Variants in COMMD10 observed in about 807,000 individuals in gnomAD.
COMMD10 encodes COMM domain-containing protein 10.
Under a neutral mutation model 28.9 loss-of-function variants are expected in COMMD10, and 33 were observed. That is an observed-to-expected ratio of 1.14 (90% CI 0.87 to 1.53). The LOEUF (loss-of-function observed/expected upper bound fraction) is 1.53. Among genes scored for constraint, COMMD10 ranks in the 40% most tolerant of loss-of-function variants. The pLI is 0.00. For missense variants in COMMD10, 310 were observed against 233.4 expected (o/e 1.33, Z -2.14); for synonymous variants, 110 against 81.7 (o/e 1.35, Z -1.87).
At chr5:116,113,774 G>C (rs975801301) in intron 4 of COMMD10, among the ~76,000 whole-genome samples, 2 of 151,864 alleles carry the variant, frequency 1.3e-5, no homozygotes, top group African/African-American at 4.8e-5. Context: ...GAATTCTTTG[G>C]GGTTGTAAGG....
At chr5:116,181,509 G>A (rs1461394398) in intron 5 of COMMD10, among the ~76,000 whole-genome samples, 3 of 150,792 alleles carry the variant, frequency 2.0e-5, no homozygotes, top group African/African-American at 7.3e-5. Flanking sequence ...TGAGTTTTGA[G>A]TCATAGATTT....
chr5:116,204,416 G>A (rs1748758562), intron 5 of COMMD10, among the ~76,000 whole-genome samples: 1 of 151,950 alleles, frequency 6.6e-6, no homozygotes, highest in African/African-American at 2.4e-5. Flanking sequence ...TCATTTAGAT[G>A]TTTTCTCCAT....
chr5:116,250,968 G>A (rs1750095806), intron 5 of COMMD10, among the ~76,000 whole-genome samples: 1 of 151,676 alleles, frequency 6.6e-6, no homozygotes, highest in Non-Finnish European at 1.5e-5. Context: ...CATTATTCTG[G>A]CTTGGGTTGG....
At chr5:116,136,698 AT>A (rs1393864126) in intron 5 of COMMD10, among the ~76,000 whole-genome samples, 1 of 152,188 alleles carries the variant, frequency 6.6e-6, no homozygotes, top group East Asian at 1.9e-4. Context: ...AATCTAACTC[AT>A]TTGAAATATG....
intron 5 of COMMD10, among the ~76,000 whole-genome samples, chr5:116,182,464 A>G (rs988270829): frequency 6.6e-6 from 1 of 152,070 alleles, no homozygotes; most frequent in East Asian, 1.9e-4. Context: ...GCAAAAAAAA[A>G]GTCAGTTGAG....
intron 5 of COMMD10, among the ~76,000 whole-genome samples, chr5:116,149,317 C>CGT (rs1348866757): frequency 3.1e-4 from 45 of 144,082 alleles, no homozygotes; most frequent in African/African-American, 1.0e-3. Context: ...AATAAACATA[C>CGT]GTGTGTGTGT....
chr5:116,118,149 G>T (rs1257965306), intron 4 of COMMD10, among the ~76,000 whole-genome samples: 1 of 152,116 alleles, frequency 6.6e-6, no homozygotes, highest in Non-Finnish European at 1.5e-5. Context: ...GGGCTGGCTT[G>T]GTTCCTTTTT....
At position 116,085,052 on chromosome 5, in the gene COMMD10, G is replaced by C; in HGVS notation, c.-1G>C. 5 of 1,608,820 alleles carry C rather than the reference G, an allele frequency of 3.1e-6. No homozygotes were observed. The highest frequency in any genetic ancestry group is 4.2e-6 in the Non-Finnish European group (5 of 1,178,726). ...ACGGCGGCAGTGCGAGAAAGCCGAA[G>C]ATGGCGGTCCCCGCGGCGCTGATCC... On this transcript the variant is annotated 5_prime_UTR_variant, in exon 1 of 7. Transcript: ENST00000274458.
chr5:116,263,587 T>C (rs1750506696), intron 5 of COMMD10, among the ~76,000 whole-genome samples: 1 of 151,700 alleles, frequency 6.6e-6, no homozygotes, highest in Non-Finnish European at 1.5e-5. Context: ...GCCTGCTCTC[T>C]CTCTGAAGTC....
intron 5 of COMMD10, among the ~76,000 whole-genome samples, chr5:116,213,731 A>T (rs1216760417): frequency 6.6e-6 from 1 of 152,000 alleles, no homozygotes; most frequent in Non-Finnish European, 1.5e-5. Flanking sequence ...GTCTTATTTT[A>T]ATTTTCCAGA....
At chr5:116,128,336 A>C (rs924063424) in intron 4 of COMMD10, among the ~76,000 whole-genome samples, 1 of 151,816 alleles carries the variant, frequency 6.6e-6, no homozygotes, top group African/African-American at 2.4e-5. Context: ...TGGGTTGAAA[A>C]CCATTATAAA....
intron 5 of COMMD10, among the ~76,000 whole-genome samples, chr5:116,208,278 T>A (rs1328400332): frequency 6.6e-6 from 1 of 152,196 alleles, no homozygotes; most frequent in South Asian, 2.1e-4. Flanking sequence ...TATTGCACTT[T>A]TGGAGCCTTT....
At chr5:116,264,031 C>G (rs1010404053) in intron 5 of COMMD10, among the ~76,000 whole-genome samples, 1 of 151,734 alleles carries the variant, frequency 6.6e-6, no homozygotes, top group Non-Finnish European at 1.5e-5. Context: ...AGTTAGACAG[C>G]TAGACTTTAT....
intron 5 of COMMD10, among the ~76,000 whole-genome samples, chr5:116,196,246 AT>A (rs1748516865): frequency 2.0e-5 from 3 of 152,324 alleles, no homozygotes; most frequent in Middle Eastern, 3.4e-3. Flanking sequence ...TAACTCAAGA[AT>A]GGAAAACCGA....
chr5:116,134,111 C>G lies in COMMD10; in HGVS notation c.443C>G (p.Ser148Cys), dbSNP rs1751950404. 3 of 1,612,552 alleles carry G rather than the reference C, an allele frequency of 1.9e-6. No individual in the cohort carries two copies. Among genetic ancestry groups the G allele is most frequent in the Non-Finnish European group, 2.5e-6 (3 of 1,178,556 alleles). Residue 148 changes from serine to cysteine, a missense_variant, in exon 5 of 7, where the codon TCT (serine) becomes TGT (cysteine). By Grantham distance (112) the Ser-to-Cys change is moderately radical. Transcript: ENST00000274458. ...GWQLNLQMAHSAQAKLKSPQA... is the reference protein window; with the variant it reads ...GWQLNLQMAHCAQAKLKSPQA... ...CAGCTTAACCTTCAGATGGCTCACT[C>G]TGCTCAAGCAAAACTAAAATCTCCT...
chr5:116,176,954 A>G (rs535501354), intron 5 of COMMD10, among the ~76,000 whole-genome samples: 3 of 152,252 alleles, frequency 2.0e-5, no homozygotes, highest in African/African-American at 4.8e-5. Flanking sequence ...TCCTTCCCCA[A>G]AGTTAGAGTT....
rs1433834389 is a variant in COMMD10 at position 116,292,650 on chromosome 5, T to G, written c.*161T>G. The G allele has an allele frequency of 4.2e-6, 2 of 478,204 alleles. No homozygotes were observed. The highest frequency in any genetic ancestry group is 3.9e-5 in the African/African-American group (2 of 50,804). 29.6% of individuals were successfully genotyped at this position (478,204 alleles called of 1,614,324 possible). A position where few individuals can be genotyped will look rare whatever the true frequency, so the allele number is the denominator to read the frequency against. On this transcript the variant is annotated 3_prime_UTR_variant, in exon 7 of 7. Coordinates refer to ENST00000274458, the MANE Select transcript of COMMD10 (RefSeq NM_016144.4). Reference sequence around the variant, plus strand: ...ACAAATAACAACCAATAGAGATCATTGTTAAGAATACTGAGGTTCTAATAT... The same window carrying G: ...ACAAATAACAACCAATAGAGATCATGGTTAAGAATACTGAGGTTCTAATAT...
rs1438807146 is a variant in COMMD10, at chr5:116,292,974, C to T, written c.*485C>T. The T allele has an allele frequency of 7.6e-6, 3 of 396,942 alleles. No individual in the cohort carries two copies. The highest frequency in any genetic ancestry group is 1.3e-5 in the Non-Finnish European group (3 of 225,106). The allele number at this position is 396,942 out of a possible 1,614,324, so 24.6% of individuals were successfully genotyped here. A position where few individuals can be genotyped will look rare whatever the true frequency, so the allele number is the denominator to read the frequency against. The stretch of plus-strand genomic sequence containing the variant: ...ATTTGAATATGATGAGTATATTTTG[C>T]TTCGGAAATAATATAGGAAGGAAAT... On this transcript the variant is annotated 3_prime_UTR_variant, in exon 7 of 7. Transcript: ENST00000274458.
intron 4 of COMMD10, among the ~76,000 whole-genome samples, chr5:116,101,583 C>T (rs562263280): frequency 6.2e-4 from 94 of 152,050 alleles, no homozygotes; most frequent in Non-Finnish European, 9.0e-4. Context: ...CACACCACCA[C>T]GCCCGGCTAA....
Sources: allele counts gnomAD v4.1 joint callset (sites outside exome capture counted in the v4.1 genomes callset), GRCh38; gene constraint gnomAD v4.1.1; transcripts MANE v1.5; gene names NCBI Gene and HGNC (gene_info 2026-07-23, HGNC 2026-07-21).